The following ZFYVE1 variants were observed in gnomAD, a reference collection of about 807,000 sequenced individuals.
ZFYVE1 encodes zinc finger FYVE domain-containing protein 1.
Under a neutral mutation model 74.4 loss-of-function variants are expected in ZFYVE1, and 30 were observed. The observed-to-expected ratio is 0.40, with a 90% CI of 0.30 to 0.55. The LOEUF is 0.55. ZFYVE1 is among the 20% of genes least tolerant of loss of function. ZFYVE1 has a pLI of 0.42. For synonymous variants in ZFYVE1, 335 were observed against 385.1 expected, an observed-to-expected ratio of 0.87 and a Z score of 1.52; for missense variants, 703 against 1,011.6, an observed-to-expected ratio of 0.69 and a Z score of 4.14.
chr14:72,973,993 G>A, intron 11 of ZFYVE1, 87 bp downstream of exon 11: 6 of 1,170,254 alleles, frequency 5.1e-6, no homozygotes, highest in Non-Finnish European at 7.6e-6. Flanking sequence ...ATCTAGGTTG[G>A]CAAGCCTTTA....
At chr14:72,996,345 T>G (rs1373708423) in intron 3 of ZFYVE1, among the ~76,000 whole-genome samples, 8 of 152,044 alleles carry the variant, frequency 5.3e-5, no homozygotes, top group Admixed American at 2.6e-4. Flanking sequence ...TTGAAGGGAG[T>G]TAGAATGGAA....
In ZFYVE1 at chr14:72,993,249, T is replaced by C. The variant is rs1893664030; in HGVS notation, c.1097A>G (p.Asn366Ser). The C allele has an allele frequency of 6.2e-7, 1 of 1,613,438 alleles. No individual in the cohort carries two copies. The highest frequency in any genetic ancestry group is 8.5e-7 in the Non-Finnish European group (1 of 1,179,882). Residue 366 changes from asparagine (N) to serine (S), a missense_variant, in exon 4 of 12, where the codon AAC becomes AGC. Transcript: ENST00000556143. ...SIHYKGTRTY[N>S]PPTDFSGLRR... ...AAGCCCAGAAAAGTCCGTGGGAGGGTTGTAAGTCCTCGTTCCCTTGTAGTG... is the reference window on the plus strand; with the variant it reads ...AAGCCCAGAAAAGTCCGTGGGAGGGCTGTAAGTCCTCGTTCCCTTGTAGTG...
At position 73,024,154 on chromosome 14, in the gene ZFYVE1, T is replaced by C. The variant is rs961507109; in HGVS notation, c.355A>G (p.Thr119Ala). Residue 119 changes from threonine to alanine, a missense_variant, in exon 2 of 12, where the codon ACT (threonine) becomes GCT (alanine). Thr to Ala is a moderately conservative substitution (Grantham distance 58). Coordinates refer to ENST00000556143, the MANE Select transcript of ZFYVE1 (RefSeq NM_021260.4). ...SGGNKRRHPV[T>A]VYNVSNLQES... is the part of the protein sequence containing the mutation. ...TGGAGATTACTGACATTGTACACAG[T>C]AACAGGGTGTCTCCTTTTGTTACCC... 6 of 1,614,066 alleles carry C rather than the reference T, an allele frequency of 3.7e-6. No homozygotes were observed. In the African/African-American group the frequency reaches 4.0e-5, roughly 11 times the overall value.
intron 1 of ZFYVE1, among the ~76,000 whole-genome samples, chr14:73,025,236 T>C (rs1894433172): frequency 6.6e-6 from 1 of 151,796 alleles, no homozygotes; most frequent in Admixed American, 6.6e-5. Flanking sequence ...GCCCAGCTAA[T>C]TTTTGTATTT....
At chr14:72,995,937 GGC>G (rs1433323382) in intron 3 of ZFYVE1, among the ~76,000 whole-genome samples, 8 of 152,076 alleles carry the variant, frequency 5.3e-5, no homozygotes, top group Non-Finnish European at 7.4e-5. Context: ...TCCTGCAATA[GGC>G]TGCCAGGGAA....
chr14:72,983,304 C>T lies in ZFYVE1; in HGVS notation c.1204-1409G>A, dbSNP rs535757596. On this transcript the variant is annotated intron_variant, in intron 4 of 11. Transcript: ENST00000556143. ...CGTTGGTGTGCTGCACCCATTAACT[C>T]GTCATTTACATTAGGTGTATCTCCT... 3.0e-4 allele frequency among the ~76,000 whole-genome samples: 45 copies of T among 151,200 alleles called. 1 individual carries two copies. The South Asian group carries it at 5.0e-3, about 17-fold the overall frequency.
At chr14:73,009,476 G>C (rs1430892266) in intron 2 of ZFYVE1, among the ~76,000 whole-genome samples, 1 of 152,246 alleles carries the variant, frequency 6.6e-6, no homozygotes, top group Non-Finnish European at 1.5e-5. Context: ...CCTTAGGGAG[G>C]CTGGGCGCGG....
At chr14:73,011,981 C>T (rs61986545) in intron 2 of ZFYVE1, among the ~76,000 whole-genome samples, 8,661 of 151,320 alleles carry the variant, frequency 0.057, 333 homozygotes, top group Non-Finnish European at 0.09. Flanking sequence ...TTTGGGAGGC[C>T]GAGGCAGAAG....
chr14:73,026,781 T>C, intron 1 of ZFYVE1, 145 bp downstream of exon 1: 1 of 152,938 alleles, frequency 6.5e-6, no homozygotes, highest in Non-Finnish European at 1.3e-5. Context: ...GCCGAATCCA[T>C]TGTTTATACC....
Position 72,969,874 on chromosome 14 carries a change from T to C in ZFYVE1, c.*1008A>G. The C allele has an allele frequency of 1.6e-6, 1 of 624,792 alleles. No homozygotes were observed. The highest frequency in any genetic ancestry group is 2.7e-5 in the East Asian group (1 of 36,650). 38.7% of individuals were successfully genotyped at this position (624,792 alleles called of 1,614,324 possible). ...ACTTTTAAAAACAACTAACAGTTCA[T>C]CCTGTGCTCAGTTTCCCTGGAAGGT... On this transcript the variant is annotated 3_prime_UTR_variant, in exon 12 of 12. Coordinates refer to ENST00000556143, the MANE Select transcript of ZFYVE1 (RefSeq NM_021260.4).
intron 5 of ZFYVE1, 146 bp downstream of exon 5, chr14:72,981,643 G>T: frequency 1.4e-6 from 1 of 722,870 alleles, no homozygotes; most frequent in Non-Finnish European, 2.3e-6. Flanking sequence ...GAACATGGGA[G>T]TGTACCATTT....
Position 72,969,930 on chromosome 14 carries a change from G to GGGT in ZFYVE1, c.*949_*951dup. ...ATGATCGCCCCTCCGAGAGCTAGAG[G>GGGT]GGTTGTGTGTCTGGGAACAAAGGAT... is the stretch of plus-strand genomic sequence containing the variant. On this transcript the variant is annotated 3_prime_UTR_variant, in exon 12 of 12. Transcript: ENST00000556143. 3 of 594,210 alleles carry GGGT rather than the reference G, an allele frequency of 5.0e-6. No individual in the cohort carries two copies. Among genetic ancestry groups the GGGT allele is most frequent in the Non-Finnish European group, 5.9e-6 (2 of 336,778 alleles). The allele number at this position is 594,210 out of a possible 1,614,324, so 36.8% of individuals were successfully genotyped here.
Position 73,024,585 on chromosome 14 carries a change from G to A in ZFYVE1, c.-77C>T, listed in dbSNP as rs1056388992. On this transcript the variant is annotated 5_prime_UTR_variant, in exon 2 of 12. Coordinates refer to ENST00000556143, the MANE Select transcript of ZFYVE1 (RefSeq NM_021260.4). Reference sequence around the variant, plus strand: ...CCCGGGGGTGAAGACGAAGATTTGAGTCTGAAGACTGCACGAAACTTCCAC... The same window carrying A: ...CCCGGGGGTGAAGACGAAGATTTGAATCTGAAGACTGCACGAAACTTCCAC... 1 of 1,511,044 alleles carries A rather than the reference G, an allele frequency of 6.6e-7. No homozygotes were observed. Among genetic ancestry groups the A allele is most frequent in the East Asian group, 2.3e-5 (1 of 43,892 alleles). 93.6% of individuals were successfully genotyped at this position (1,511,044 alleles called of 1,614,324 possible). A position where few individuals can be genotyped will look rare whatever the true frequency, so the allele number is the denominator to read the frequency against.
chr14:73,008,118 C>A (rs1226853832), intron 2 of ZFYVE1, among the ~76,000 whole-genome samples: 1 of 152,204 alleles, frequency 6.6e-6, no homozygotes, highest in African/African-American at 2.4e-5. Context: ...AGACTGCCTG[C>A]AGCTCCTCTC....
chr14:72,970,000 A>C lies in ZFYVE1; in HGVS notation c.*882T>G. The C allele has an allele frequency of 1.1e-5, 5 of 472,416 alleles. No individual in the cohort carries two copies. Among genetic ancestry groups the C allele is most frequent in the East Asian group, 7.4e-5 (2 of 27,110 alleles). 29.3% of individuals were successfully genotyped at this position (472,416 alleles called of 1,614,324 possible). On this transcript the variant is annotated 3_prime_UTR_variant, in exon 12 of 12. Transcript: ENST00000556143. Reference sequence around the variant, plus strand: ...CAATGAAAATCCTAGTGCGACACTCAGAAGCAGATGGTGGGCTTGAGGGGG... The same window carrying C: ...CAATGAAAATCCTAGTGCGACACTCCGAAGCAGATGGTGGGCTTGAGGGGG...
At chr14:73,023,302 A>ATATT (rs1894371162) in intron 2 of ZFYVE1, among the ~76,000 whole-genome samples, 1 of 115,488 alleles carries the variant, frequency 8.7e-6, no homozygotes, top group African/African-American at 3.7e-5. Flanking sequence ...TATAATATAT[A>ATATT]TTATATATGT....
In ZFYVE1 at chr14:72,978,049, A is replaced by G. The variant is rs770881899; in HGVS notation, c.1518-5T>C. ...TTAGGACATTCGATCACATACCTAC[A>G]AGGAAAGCAAATCAATACTGTTACC... On this transcript the variant is annotated splice_region_variant and splice_polypyrimidine_tract_variant and intron_variant, in intron 7 of 11. Coordinates refer to ENST00000556143, the MANE Select transcript of ZFYVE1 (RefSeq NM_021260.4). The G allele has an allele frequency of 3.6e-5, 58 of 1,614,062 alleles. No individual in the cohort carries two copies. The highest frequency in any genetic ancestry group is 4.7e-5 in the Non-Finnish European group (55 of 1,180,014).
rs1208781025 is a variant in ZFYVE1, at chr14:72,998,031, G to C, written c.768C>G (p.Val256=). The part of the protein sequence containing the change: ...LSQRTRLLLK[V]LAISDLVIYR... ...AGATGACGAGGTCTGAGATGGCCAG[G>C]ACCTTAAGCAGCAGCCGTGTTCTCT... Residue 256 remains valine, a synonymous_variant, in exon 3 of 12, where the codon GTC becomes GTG. Coordinates refer to ENST00000556143, the MANE Select transcript of ZFYVE1 (RefSeq NM_021260.4). 2 of 1,614,090 alleles carry C rather than the reference G, an allele frequency of 1.2e-6. No individual in the cohort carries two copies. Among genetic ancestry groups the C allele is most frequent in the Non-Finnish European group, 1.7e-6 (2 of 1,180,000 alleles).
At chr14:72,977,802 T>G in intron 8 of ZFYVE1, 125 bp downstream of exon 8, 1 of 1,068,940 alleles carries the variant, frequency 9.4e-7, no homozygotes. Flanking sequence ...ATCATGCCTT[T>G]CTAAACCGCC....
Sources: gnomAD v4.1 joint callset for allele counts (sites outside exome capture counted in the v4.1 genomes callset) on GRCh38, gnomAD v4.1.1 for gene constraint, MANE v1.5 for transcripts, NCBI Gene and HGNC (gene_info 2026-07-23, HGNC 2026-07-21) for gene names.